The following LAMA1 variants were observed in gnomAD, a reference collection of about 807,000 sequenced individuals.
The protein encoded by LAMA1 is laminin subunit alpha 1.
LAMA1 carries 219 observed loss-of-function variants against 348.7 expected under a neutral mutation model. The observed-to-expected ratio is 0.63, with a 90% CI of 0.56 to 0.70. The LOEUF (loss-of-function observed/expected upper bound fraction) is 0.70, where lower values mean the gene tolerates loss of function less well. LAMA1 is among the 30% of genes least tolerant of loss of function. The pLI is 0.00. For missense variants in LAMA1, 3,744 were observed against 3,888.0 expected, an observed-to-expected ratio of 0.96 and a Z score of 0.99; for synonymous variants, 1,487 against 1,491.0, an observed-to-expected ratio of 1.00 and a Z score of 0.06.
intron 9 of LAMA1, among the ~76,000 whole-genome samples, chr18:7,041,908 CCATGTA>C (rs1485017812): frequency 1.8e-4 from 27 of 152,244 alleles, no homozygotes. Flanking sequence ...ATTATATTAC[CCATGTA>C]CCTGTTTGTT....
chr18:7,093,138 G>C (rs577883254), intron 1 of LAMA1, among the ~76,000 whole-genome samples: 2 of 152,260 alleles, frequency 1.3e-5, no homozygotes, highest in East Asian at 1.9e-4. Context: ...GTCAAATGGC[G>C]GGGCACAGTG....
chr18:6,966,691 A>C (rs764521785), intron 48 of LAMA1, among the ~76,000 whole-genome samples: 2 of 152,192 alleles, frequency 1.3e-5, no homozygotes, highest in East Asian at 1.9e-4. Context: ...ATGAGGTTTT[A>C]TCTAATACCT....
intron 1 of LAMA1, among the ~76,000 whole-genome samples, chr18:7,087,081 C>A (rs567523087): frequency 3.3e-5 from 5 of 152,040 alleles, no homozygotes; most frequent in Admixed American, 2.6e-4. Flanking sequence ...CTTTGTGCGT[C>A]GGACTGAAGT....
At chr18:7,015,518 G>A (rs566404780) in intron 22 of LAMA1, among the ~76,000 whole-genome samples, 22 of 151,234 alleles carry the variant, frequency 1.5e-4, no homozygotes, top group East Asian at 1.4e-3. Context: ...GGCTTCAAAC[G>A]ATCCTCCTGC....
At chr18:6,982,696 C>A in intron 40 of LAMA1, 106 bp from the exon 41 acceptor site, 1 of 941,850 alleles carries the variant, frequency 1.1e-6, no homozygotes, top group Non-Finnish European at 1.7e-6. Context: ...ACATTCCCAG[C>A]AAGAAAGTCA....
rs2143848557 is a variant in LAMA1, at chr18:7,117,775, A to G, written c.-55T>C. ...GGGAGAAAGCCGCGCGCCCGCCTGG[A>G]ACGCTCCACGGGACGCGAGTCCGCG... is the stretch of plus-strand genomic sequence containing the variant. On this transcript the variant is annotated 5_prime_UTR_variant, in exon 1 of 63. Coordinates refer to ENST00000389658, the MANE Select transcript of LAMA1 (RefSeq NM_005559.4). 6.6e-7 allele frequency: 1 copy of G among 1,526,362 alleles called. No individual in the cohort carries two copies. Among genetic ancestry groups the G allele is most frequent in the East Asian group, 2.4e-5 (1 of 42,510 alleles). The allele number at this position is 1,526,362 out of a possible 1,614,324, so 94.6% of individuals were successfully genotyped here.
intron 57 of LAMA1, 74 bp downstream of exon 57, chr18:6,955,279 G>C (rs1482560815): frequency 3.0e-5 from 35 of 1,156,584 alleles, no homozygotes. Flanking sequence ...TTTTGGAAAA[G>C]ACTCTGTGGC....
Position 7,008,376 on chromosome 18 carries a change from GA to G in LAMA1, c.4122+111del, listed in dbSNP as rs371821195. On this transcript the variant is annotated intron_variant, in intron 28 of 62. Transcript: ENST00000389658. ...TTAATTTCTTTTTAATTCAAAAAGA[GA>G]AAAAAATGATATAGTAGATACACAT... is the stretch of plus-strand genomic sequence containing the variant. The G allele has an allele frequency of 1.0e-4, 126 of 1,239,952 alleles. No homozygotes were observed. In the African/African-American group the frequency reaches 1.6e-3, roughly 16 times the overall value. The allele number at this position is 1,239,952 out of a possible 1,614,324, so 76.8% of individuals were successfully genotyped here. A position where few individuals can be genotyped will look rare whatever the true frequency, so the allele number is the denominator to read the frequency against.
chr18:6,959,767 A>G (rs1041413614), intron 53 of LAMA1: 6 of 406,058 alleles, frequency 1.5e-5, no homozygotes, highest in African/African-American at 4.1e-5. Flanking sequence ...TACATTAGAT[A>G]CCAATAAGTA....
At chr18:7,048,091 T>C (rs1354425385) in intron 5 of LAMA1, among the ~76,000 whole-genome samples, 1 of 152,156 alleles carries the variant, frequency 6.6e-6, no homozygotes, top group African/African-American at 2.4e-5. Flanking sequence ...AAACACCAAG[T>C]AGAACGGATA....
intron 42 of LAMA1, 89 bp downstream of exon 42, chr18:6,980,432 C>T: frequency 1.1e-6 from 1 of 896,546 alleles, no homozygotes; most frequent in Non-Finnish European, 1.9e-6. Context: ...AAGCCTTTAT[C>T]AGTCTTGAGG....
intron 3 of LAMA1, among the ~76,000 whole-genome samples, chr18:7,055,415 T>A (rs1236708826): frequency 7.4e-6 from 1 of 134,980 alleles, no homozygotes; most frequent in South Asian, 2.3e-4. Context: ...ATCGCACCAC[T>A]GCACTCCCAG....
At chr18:7,088,635 A>T (rs940438384) in intron 1 of LAMA1, among the ~76,000 whole-genome samples, 26 of 152,010 alleles carry the variant, frequency 1.7e-4, no homozygotes, top group African/African-American at 6.0e-4. Flanking sequence ...CTCCTACCTC[A>T]GCCTCCCGAG....
chr18:6,978,427 A>G, intron 42 of LAMA1, 49 bp from the exon 43 acceptor site: 1 of 1,497,958 alleles, frequency 6.7e-7, no homozygotes, highest in Non-Finnish European at 9.3e-7. Flanking sequence ...TTACACACAG[A>G]GAAAAGAATA....
chr18:6,961,808 A>C, intron 52 of LAMA1, 49 bp from the exon 53 acceptor site: 1 of 1,608,754 alleles, frequency 6.2e-7, no homozygotes, highest in Non-Finnish European at 8.5e-7. Flanking sequence ...AGCTGCGGCC[A>C]AACCTTCCGT....
chr18:7,070,341 C>G (rs2058140786), intron 3 of LAMA1, among the ~76,000 whole-genome samples: 1 of 152,182 alleles, frequency 6.6e-6, no homozygotes, highest in Non-Finnish European at 1.5e-5. Flanking sequence ...TCTGCCTAAT[C>G]TCTTTCCAGG....
intron 8 of LAMA1, chr18:7,042,989 C>G (rs2058027136): frequency 1.8e-6 from 1 of 543,980 alleles, no homozygotes; most frequent in African/African-American, 1.9e-5. Context: ...TATTATGACC[C>G]AGGATTACAT....
intron 1 of LAMA1, among the ~76,000 whole-genome samples, chr18:7,115,409 A>G (rs913583829): frequency 1.3e-5 from 2 of 152,182 alleles, no homozygotes; most frequent in African/African-American, 4.8e-5. Context: ...TTCAATACTT[A>G]GGAGGAGCTC....
At chr18:7,027,257 GACAAGCCTTATTCTTGCAATA>G (rs1236896634) in intron 16 of LAMA1, among the ~76,000 whole-genome samples, 1 of 152,150 alleles carries the variant, frequency 6.6e-6, no homozygotes, top group Non-Finnish European at 1.5e-5. Flanking sequence ...TTATACAAGA[GACAAGCCTTATTCTTGCAATA>G]TACACACCAA....
Sources: allele counts gnomAD v4.1 joint callset (sites outside exome capture counted in the v4.1 genomes callset), GRCh38; gene constraint gnomAD v4.1.1; transcripts MANE v1.5; gene names NCBI Gene and HGNC (gene_info 2026-07-23, HGNC 2026-07-21).